The following PAK3 variants were observed in gnomAD, a reference collection of about 807,000 sequenced individuals.
PAK3 encodes the protein p21 (RAC1) activated kinase 3.
Under a neutral mutation model 41.0 loss-of-function variants are expected in PAK3, and 4 were observed. That is an observed-to-expected ratio of 0.10 (90% confidence interval 0.05 to 0.22). The LOEUF (loss-of-function observed/expected upper bound fraction) is 0.22. PAK3 is among the 10% of genes least tolerant of loss of function. PAK3 has a pLI of 1.00. For missense variants in PAK3, 205 were observed against 409.9 expected, an observed-to-expected ratio of 0.50 and a Z score of 4.32; for synonymous variants, 146 against 139.6, an observed-to-expected ratio of 1.05 and a Z score of -0.32.
At chrX:111,184,803 T>A (rs927391957) in intron 11 of PAK3, among the ~76,000 whole-genome samples, 4 of 111,748 alleles carry the variant, frequency 3.6e-5, no homozygotes, top group African/African-American at 1.3e-4. Flanking sequence ...CTATCATTGA[T>A]GGGCATTTGG....
intron 1 of PAK3, among the ~76,000 whole-genome samples, chrX:110,946,143 C>G (rs1602491587): frequency 9.0e-6 from 1 of 111,023 alleles, no homozygotes; most frequent in African/African-American, 3.3e-5. Flanking sequence ...TCAAGAAAGG[C>G]TTCATGGGCG....
At chrX:111,140,029 C>G (rs1251320524) in intron 5 of PAK3, among the ~76,000 whole-genome samples, 1 of 111,743 alleles carries the variant, frequency 8.9e-6, no homozygotes, top group Non-Finnish European at 1.9e-5. Flanking sequence ...GAGTTACTCA[C>G]TTGCCTGGAA....
At position 110,998,911 on chromosome X, in the gene PAK3, C is replaced by G. The variant is rs780031534; in HGVS notation, c.-28+54283C>G. Reference sequence around the variant, plus strand: ...CACCTTGGCTTTAGTTCTAGTCATTCCTGCCACACTCCTGGCATACCAAAC... The same window carrying G: ...CACCTTGGCTTTAGTTCTAGTCATTGCTGCCACACTCCTGGCATACCAAAC... On this transcript the variant is annotated intron_variant, in intron 1 of 14. Transcript: ENST00000425146. Among the ~76,000 whole-genome samples, 6 of 112,174 alleles carry G rather than the reference C, an allele frequency of 5.3e-5. No individual in the cohort carries two copies. The South Asian group carries it at 2.3e-3, about 42-fold the overall frequency.
At chrX:111,153,469 C>T (rs1407556737) in intron 8 of PAK3, among the ~76,000 whole-genome samples, 2 of 111,991 alleles carry the variant, frequency 1.8e-5, no homozygotes, top group African/African-American at 3.2e-5. Flanking sequence ...GATAAGGCTT[C>T]CCTTTCTGTG....
chrX:111,125,871 G>C (rs546248890), intron 5 of PAK3, among the ~76,000 whole-genome samples: 26 of 111,852 alleles, frequency 2.3e-4, no homozygotes, highest in African/African-American at 7.8e-4. Context: ...TTACTGGACA[G>C]CTAATAAGCT....
At chrX:111,020,203 T>C (rs750136238) in intron 1 of PAK3, among the ~76,000 whole-genome samples, 3 of 111,671 alleles carry the variant, frequency 2.7e-5, no homozygotes, top group Non-Finnish European at 5.7e-5. Context: ...AAAATGTATA[T>C]GTTACTCATC....
intron 1 of PAK3, among the ~76,000 whole-genome samples, chrX:110,957,968 T>C (rs2090901476): frequency 8.9e-6 from 1 of 111,912 alleles, no homozygotes; most frequent in Non-Finnish European, 1.9e-5. Flanking sequence ...TTGTAAATTA[T>C]AGTAGTGCTG....
intron 5 of PAK3, among the ~76,000 whole-genome samples, chrX:111,130,389 A>C (rs1326511431): frequency 3.6e-5 from 4 of 111,997 alleles, no homozygotes; most frequent in African/African-American, 1.3e-4. Context: ...TGTGGAGGAC[A>C]TATGTTGTTT....
intron 1 of PAK3, among the ~76,000 whole-genome samples, chrX:111,090,760 C>G (rs1215594142): frequency 1.8e-5 from 2 of 112,006 alleles, no homozygotes; most frequent in African/African-American, 6.5e-5. Flanking sequence ...CATAGTCCAG[C>G]CGGTCCAAAA....
intron 4 of PAK3, among the ~76,000 whole-genome samples, chrX:111,120,796 T>A (rs1262800752): frequency 8.9e-6 from 1 of 112,253 alleles, no homozygotes; most frequent in African/African-American, 3.2e-5. Flanking sequence ...AGATTTTGTA[T>A]ATCTGTATAC....
chrX:111,041,949 T>C (rs1473769933), intron 1 of PAK3, among the ~76,000 whole-genome samples: 1 of 112,029 alleles, frequency 8.9e-6, no homozygotes, highest in African/African-American at 3.2e-5. Flanking sequence ...TGTGTGTCTT[T>C]ATTACTGCAT....
chrX:111,113,872 G>A (rs183537829), intron 4 of PAK3, among the ~76,000 whole-genome samples: 27 of 111,334 alleles, frequency 2.4e-4, no homozygotes, highest in African/African-American at 7.8e-4. Context: ...GAGAACATGC[G>A]GTGTTTGGTT....
At position 111,109,462 on chromosome X, in the gene PAK3, G is replaced by C. The variant is rs138359770; in HGVS notation, c.-28+6156G>C. 8.9e-5 allele frequency among the ~76,000 whole-genome samples: 10 copies of C among 111,875 alleles called. No homozygotes were observed. The East Asian group carries it at 2.6e-3, about 29-fold the overall frequency. On this transcript the variant is annotated intron_variant, in intron 4 of 17. Transcript: ENST00000372007. ...GTCAGTATTCATTCCCACTCAAGAC[G>C]ATGAGTGAAAAATAGGATTAGTCCA...
Position 111,063,818 on chromosome X carries a change from T to A in PAK3, c.-27-59259T>A, listed in dbSNP as rs780538783. Among the ~76,000 whole-genome samples the A allele has an allele frequency of 3.5e-4, 6 of 16,936 alleles. No individual in the cohort carries two copies. The South Asian group carries it at 0.078, about 220-fold the overall frequency. The allele number at this position is 16,936 out of a possible 115,157, so 14.7% of individuals were successfully genotyped here. On this transcript the variant is annotated intron_variant, in intron 1 of 14. Coordinates refer to the PAK3 transcript ENST00000425146. ...TCCAGCCTGGGTGACAGAGACTGTC[T>A]CGAAAAAAAAAAAAAAAAATCAATG...
intron 5 of PAK3, among the ~76,000 whole-genome samples, chrX:111,140,213 G>T (rs2149084003): frequency 8.9e-6 from 1 of 112,060 alleles, no homozygotes; most frequent in Non-Finnish European, 1.9e-5. Context: ...TAGTATTTGG[G>T]AGTGGAGGCA....
intron 1 of PAK3, among the ~76,000 whole-genome samples, chrX:110,957,906 A>G (rs1239293398): frequency 8.9e-6 from 1 of 112,043 alleles, no homozygotes; most frequent in Non-Finnish European, 1.9e-5. Flanking sequence ...CATGAAGCTT[A>G]TGGTCTAATG....
intron 1 of PAK3, among the ~76,000 whole-genome samples, chrX:110,950,018 A>C (rs1042465573): frequency 2.7e-5 from 3 of 111,093 alleles, no homozygotes; most frequent in Non-Finnish European, 3.8e-5. Context: ...TGGGTATTAG[A>C]AGTTGTCTTA....
chrX:110,959,633 GGTGA>G (rs1420372664), intron 1 of PAK3, among the ~76,000 whole-genome samples: 1 of 111,208 alleles, frequency 9.0e-6, no homozygotes, highest in African/African-American at 3.3e-5. Context: ...AGCTACTCCA[GGTGA>G]TACTAGTGTG....
chrX:111,040,120 G>C (rs1276980264), intron 1 of PAK3, among the ~76,000 whole-genome samples: 1 of 111,133 alleles, frequency 9.0e-6, no homozygotes, highest in East Asian at 2.8e-4. Context: ...GTTCCAGAGA[G>C]ACTGCCACTC....
Sources: gnomAD v4.1 joint callset for allele counts (sites outside exome capture counted in the v4.1 genomes callset) on GRCh38, gnomAD v4.1.1 for gene constraint, MANE v1.5 for transcripts, NCBI Gene and HGNC (gene_info 2026-07-23, HGNC 2026-07-21) for gene names.